ERC2: variants seen among roughly 807,000 people sequenced by gnomAD.
ERC2 encodes ERC protein 2.
A neutral mutation model predicts 114.8 loss-of-function variants in ERC2; 42 were observed. The ratio of observed to expected loss-of-function variants is 0.37; its 90% CI spans 0.29 to 0.47. The LOEUF is 0.47. Among genes scored for constraint, ERC2 ranks in the 20% least tolerant of loss-of-function variants. The pLI is 0.99. For synonymous variants in ERC2, 454 were observed against 425.5 expected, an observed-to-expected ratio of 1.07 and a Z score of -0.82; for missense variants, 939 against 1,150.7, an observed-to-expected ratio of 0.82 and a Z score of 2.66.
chr3:55,958,300 C>A (rs1429031832), intron 12 of ERC2, among the ~76,000 whole-genome samples: 1 of 152,184 alleles, frequency 6.6e-6, no homozygotes, highest in Non-Finnish European at 1.5e-5. Context: ...CTGGTAGTCC[C>A]AACATCTGTG....
intron 7 of ERC2, among the ~76,000 whole-genome samples, chr3:56,038,902 G>A (rs990991409): frequency 1.7e-4 from 26 of 152,178 alleles, no homozygotes; most frequent in African/African-American, 5.8e-4. Flanking sequence ...ATGGACACAG[G>A]GAAGGGAAAA....
chr3:55,765,616 G>C (rs993313684), intron 14 of ERC2, among the ~76,000 whole-genome samples: 1 of 152,224 alleles, frequency 6.6e-6, no homozygotes, highest in Non-Finnish European at 1.5e-5. Flanking sequence ...ATGCTTCAGA[G>C]AGTTGAGTGG....
At chr3:56,179,680 GC>G (rs147188622) in intron 3 of ERC2, among the ~76,000 whole-genome samples, 4,291 of 152,066 alleles carry the variant, frequency 0.028, 64 homozygotes, top group Middle Eastern at 0.051. Context: ...ATGGCTCCAA[GC>G]CTCTTAGCCT....
At chr3:56,425,571 T>TC (rs2061540541) in intron 2 of ERC2, among the ~76,000 whole-genome samples, 3 of 151,176 alleles carry the variant, frequency 2.0e-5, no homozygotes, top group African/African-American at 7.3e-5. Context: ...TTTTTTTTTT[T>TC]TTTTTTTTTG....
chr3:56,159,730 T>C (rs1038090441), intron 4 of ERC2, among the ~76,000 whole-genome samples: 21 of 152,308 alleles, frequency 1.4e-4, no homozygotes, highest in African/African-American at 5.1e-4. Flanking sequence ...GATGTTTAAC[T>C]CCCACTTATA....
chr3:56,396,578 T>C (rs967873280), intron 2 of ERC2, among the ~76,000 whole-genome samples: 1 of 152,232 alleles, frequency 6.6e-6, no homozygotes, highest in Non-Finnish European at 1.5e-5. Flanking sequence ...AATACATTCA[T>C]AGGAAAAATA....
At chr3:56,234,067 C>T (rs1049862376) in intron 3 of ERC2, among the ~76,000 whole-genome samples, 1 of 152,082 alleles carries the variant, frequency 6.6e-6, no homozygotes, top group African/African-American at 2.4e-5. Flanking sequence ...GGGAGATACG[C>T]CTGAAAGTGT....
chr3:56,390,782 C>T (rs770264937), intron 2 of ERC2, among the ~76,000 whole-genome samples: 3 of 152,114 alleles, frequency 2.0e-5, no homozygotes, highest in Non-Finnish European at 2.9e-5. Flanking sequence ...GTTGGATTAT[C>T]ATGCCACAGA....
intron 17 of ERC2, among the ~76,000 whole-genome samples, chr3:55,513,824 G>A (rs1256373910): frequency 2.0e-5 from 3 of 151,902 alleles, no homozygotes; most frequent in Admixed American, 2.0e-4. Flanking sequence ...TTACAGAGAT[G>A]TGTTCTCACT....
chr3:55,807,605 A>T (rs1181631370), intron 14 of ERC2, among the ~76,000 whole-genome samples: 1 of 149,960 alleles, frequency 6.7e-6, no homozygotes, highest in Non-Finnish European at 1.5e-5. Flanking sequence ...TTATTTGTAA[A>T]AATAAAATTA....
At chr3:56,289,799 T>C (rs2054963993) in intron 3 of ERC2, among the ~76,000 whole-genome samples, 2 of 152,222 alleles carry the variant, frequency 1.3e-5, no homozygotes, top group Non-Finnish European at 2.9e-5. Context: ...CCTCTCAGTG[T>C]ACCACCCCAA....
intron 6 of ERC2, among the ~76,000 whole-genome samples, chr3:56,125,522 T>A (rs1342489618): frequency 3.3e-5 from 5 of 152,102 alleles, no homozygotes; most frequent in African/African-American, 9.7e-5. Context: ...CATCAGCAGG[T>A]CCCTGACATC....
intron 15 of ERC2, among the ~76,000 whole-genome samples, chr3:55,733,385 G>A (rs1030113734): frequency 3.3e-5 from 5 of 151,738 alleles, no homozygotes; most frequent in African/African-American, 1.2e-4. Context: ...AGAGTGTTCA[G>A]ACACAGTAGT....
chr3:55,871,777 A>G (rs1463807714), intron 14 of ERC2, among the ~76,000 whole-genome samples: 1 of 152,174 alleles, frequency 6.6e-6, no homozygotes, highest in Admixed American at 6.5e-5. Context: ...CCCATATAAT[A>G]CCACCAAATG....
At chr3:55,640,014 G>T (rs1266437634) in intron 17 of ERC2, among the ~76,000 whole-genome samples, 1 of 152,146 alleles carries the variant, frequency 6.6e-6, no homozygotes, top group East Asian at 1.9e-4. Context: ...TGTCAATGTC[G>T]GAGGGAGCAG....
chr3:56,259,647 T>TTGATG (rs1553899550), intron 3 of ERC2, among the ~76,000 whole-genome samples: 6 of 143,990 alleles, frequency 4.2e-5, no homozygotes, highest in African/African-American at 1.6e-4. Context: ...TGGTACAGAT[T>TTGATG]TGATATGATA....
chr3:55,559,028 C>T (rs2055823581), intron 17 of ERC2, among the ~76,000 whole-genome samples: 1 of 152,184 alleles, frequency 6.6e-6, no homozygotes, highest in African/African-American at 2.4e-5. Flanking sequence ...AGCAGGAGAC[C>T]CAGATGCTGG....
intron 17 of ERC2, among the ~76,000 whole-genome samples, chr3:55,570,478 A>G (rs2056641655): frequency 6.6e-6 from 1 of 152,078 alleles, no homozygotes; most frequent in African/African-American, 2.4e-5. Context: ...GTTGGTTCCA[A>G]ATGGTCTGGG....
chr3:55,580,231 AT>A (rs71763172), intron 17 of ERC2, among the ~76,000 whole-genome samples: 30,931 of 144,484 alleles, frequency 0.21, 3,160 homozygotes, highest in Middle Eastern at 0.29. Context: ...TAGGAAGCAT[AT>A]TTTTTTTTTT....
Sources: allele counts gnomAD v4.1 joint callset (sites outside exome capture counted in the v4.1 genomes callset), GRCh38; gene constraint gnomAD v4.1.1; transcripts MANE v1.5; gene names NCBI Gene and HGNC (gene_info 2026-07-23, HGNC 2026-07-21).